The following GALNTL6 variants were observed in gnomAD, a reference collection of about 807,000 sequenced individuals.
The protein encoded by GALNTL6 is polypeptide N-acetylgalactosaminyltransferase-like 6.
GALNTL6 carries 46 observed loss-of-function variants against 73.7 expected under a neutral mutation model. The ratio of observed to expected loss-of-function variants is 0.62; its 90% CI spans 0.49 to 0.80. The LOEUF (loss-of-function observed/expected upper bound fraction) is 0.80. Among genes scored for constraint, GALNTL6 ranks in the 30% least tolerant of loss-of-function variants. The probability of loss-of-function intolerance (pLI) is 0.00; values close to 1 mark genes in which losing one functional copy is unlikely to be tolerated. For synonymous variants in GALNTL6, 259 were observed against 263.7 expected (o/e 0.98, Z 0.17); for missense variants, 604 against 755.0 (o/e 0.80, Z 2.34).
chr4:171,925,610 T>A (rs1737951523), intron 2 of GALNTL6, among the ~76,000 whole-genome samples: 1 of 152,222 alleles, frequency 6.6e-6, no homozygotes, highest in Non-Finnish European at 1.5e-5. Context: ...ATTTCATTTA[T>A]ACCATTTTAA....
At chr4:171,927,778 G>C (rs1308193987) in intron 2 of GALNTL6, among the ~76,000 whole-genome samples, 1 of 152,076 alleles carries the variant, frequency 6.6e-6, no homozygotes, top group Non-Finnish European at 1.5e-5. Flanking sequence ...TCCTTTGCTT[G>C]TGTATTCCAC....
intron 2 of GALNTL6, among the ~76,000 whole-genome samples, chr4:171,923,827 T>TG (rs1560843047): frequency 2.3e-4 from 35 of 149,326 alleles, no homozygotes; most frequent in East Asian, 7.9e-4. Context: ...TGTGTGTGTG[T>TG]TTGAAGTTCT....
rs931412704 is a variant in GALNTL6, at chr4:172,522,673, C to A, written c.553+173984C>A. Among the ~76,000 whole-genome samples, 18 of 63,342 alleles carry A rather than the reference C, an allele frequency of 2.8e-4. No individual in the cohort carries two copies. In the South Asian group the frequency reaches 5.6e-3, roughly 20 times the overall value. 41.6% of individuals were successfully genotyped at this position (63,342 alleles called of 152,430 possible). ...TAACGAGTGAAACTCAGTCCCCCCC[C>A]CCCCCAAAAAAAAAGTGTATTTTAC... On this transcript the variant is annotated intron_variant, in intron 5 of 12. Transcript: ENST00000506823.
At chr4:172,131,448 T>C (rs1251423628) in intron 2 of GALNTL6, among the ~76,000 whole-genome samples, 1 of 145,700 alleles carries the variant, frequency 6.9e-6, no homozygotes, top group Non-Finnish European at 1.5e-5. Flanking sequence ...CACACGCATA[T>C]ATATTTTATA....
intron 2 of GALNTL6, chr4:171,815,422 T>C (rs1734500067): frequency 6.6e-6 from 1 of 152,300 alleles, no homozygotes; most frequent in Admixed American, 6.5e-5. Context: ...ATGTAACTCA[T>C]TAGTATGTAT....
In GALNTL6 at chr4:172,295,094, A is replaced by G. The variant is rs534238089; in HGVS notation, c.248-16520A>G. Among the ~76,000 whole-genome samples, 7 of 152,272 alleles carry G rather than the reference A, an allele frequency of 4.6e-5. No homozygotes were observed. In the South Asian group the frequency reaches 1.4e-3, roughly 32 times the overall value. On this transcript the variant is annotated intron_variant, in intron 3 of 12. Transcript: ENST00000506823. ...TTCGTTTAATGTAAAAATGTGAGCT[A>G]TCTCCAGGTACTAGGCATATTAGCA...
chr4:172,917,526 T>C (rs1390894618), intron 8 of GALNTL6, among the ~76,000 whole-genome samples: 2 of 152,116 alleles, frequency 1.3e-5, no homozygotes, highest in African/African-American at 4.8e-5. Flanking sequence ...ATCCAGAATC[T>C]GCAAAGAACT....
chr4:172,564,072 T>G (rs1044865289), intron 5 of GALNTL6, among the ~76,000 whole-genome samples: 4 of 152,230 alleles, frequency 2.6e-5, no homozygotes, highest in Non-Finnish European at 5.9e-5. Flanking sequence ...TTAGTTTTAT[T>G]TTCTATTATT....
chr4:172,660,335 C>T (rs183520741), intron 5 of GALNTL6, among the ~76,000 whole-genome samples: 49 of 152,278 alleles, frequency 3.2e-4, no homozygotes, highest in South Asian at 6.2e-4. Context: ...ACAGAACTGA[C>T]GCCTAAGAAG....
chr4:172,470,747 G>A lies in GALNTL6; in HGVS notation c.553+122058G>A, dbSNP rs185496389. 2.1e-3 allele frequency among the ~76,000 whole-genome samples: 323 copies of A among 152,216 alleles called. 1 individual carries two copies. The highest frequency in any genetic ancestry group is 7.3e-3 in the African/African-American group (305 of 41,526). On this transcript the variant is annotated intron_variant, in intron 5 of 12. Coordinates refer to ENST00000506823, the MANE Select transcript of GALNTL6 (RefSeq NM_001034845.3). Reference sequence around the variant, plus strand: ...CCCTAAAGGACTTTTCTCCCAAAACGGAACAGTTGATTCCACAATTCATGC... The same window carrying A: ...CCCTAAAGGACTTTTCTCCCAAAACAGAACAGTTGATTCCACAATTCATGC...
At chr4:172,072,061 T>C (rs923344495) in intron 2 of GALNTL6, among the ~76,000 whole-genome samples, 14 of 152,138 alleles carry the variant, frequency 9.2e-5, no homozygotes, top group African/African-American at 3.4e-4. Flanking sequence ...CCGGGCTCTT[T>C]ATTGTAGATA....
At chr4:172,589,616 G>A (rs1238679440) in intron 5 of GALNTL6, among the ~76,000 whole-genome samples, 1 of 152,236 alleles carries the variant, frequency 6.6e-6, no homozygotes, top group African/African-American at 2.4e-5. Context: ...CACTGGAAAT[G>A]TAACTGTTTA....
chr4:171,837,658 A>G lies in GALNTL6; in HGVS notation c.138+22940A>G, dbSNP rs186116735. ...TATATAATATATTAATAATAAATTAATAATTAATATATAAATATATTATGT... is the reference window on the plus strand; with the variant it reads ...TATATAATATATTAATAATAAATTAGTAATTAATATATAAATATATTATGT... On this transcript the variant is annotated intron_variant, in intron 2 of 12. Coordinates refer to ENST00000506823, the MANE Select transcript of GALNTL6 (RefSeq NM_001034845.3). Among the ~76,000 whole-genome samples, 87 of 147,192 alleles carry G rather than the reference A, an allele frequency of 5.9e-4. No individual in the cohort carries two copies. The East Asian group carries it at 0.015, about 25-fold the overall frequency.
chr4:172,654,031 TTCTC>T (rs969792586), intron 5 of GALNTL6, among the ~76,000 whole-genome samples: 1 of 152,092 alleles, frequency 6.6e-6, no homozygotes, highest in Non-Finnish European at 1.5e-5. Context: ...TTTTCTCTCT[TTCTC>T]TCTCTCTCAA....
chr4:172,638,410 G>A (rs1739795083), intron 5 of GALNTL6, among the ~76,000 whole-genome samples: 1 of 152,078 alleles, frequency 6.6e-6, no homozygotes, highest in Admixed American at 6.6e-5. Context: ...GTGGGGTGGG[G>A]CAGGGGAGCT....
intron 2 of GALNTL6, among the ~76,000 whole-genome samples, chr4:172,131,147 ATATG>A (rs906512733): frequency 8.6e-5 from 13 of 152,036 alleles, no homozygotes; most frequent in African/African-American, 3.1e-4. Flanking sequence ...TAAAGAAAAT[ATATG>A]TAAGTACTGG....
chr4:172,306,115 G>A (rs566303680), intron 3 of GALNTL6, among the ~76,000 whole-genome samples: 39 of 152,238 alleles, frequency 2.6e-4, no homozygotes, highest in Admixed American at 4.6e-4. Context: ...TTGGCCGGGC[G>A]TGGTGGCTCA....
chr4:173,001,474 A>G (rs1370342006), intron 10 of GALNTL6, among the ~76,000 whole-genome samples: 2 of 152,338 alleles, frequency 1.3e-5, no homozygotes, highest in East Asian at 1.9e-4. Flanking sequence ...TCTCTTAAAT[A>G]TGACACTAAA....
intron 12 of GALNTL6, among the ~76,000 whole-genome samples, chr4:173,027,780 G>A (rs1753293432): frequency 6.6e-6 from 1 of 152,158 alleles, no homozygotes; most frequent in Non-Finnish European, 1.5e-5. Flanking sequence ...TAGATGTCAT[G>A]TTAGGGTATT....
Sources: allele counts gnomAD v4.1 joint callset (sites outside exome capture counted in the v4.1 genomes callset), GRCh38; gene constraint gnomAD v4.1.1; transcripts MANE v1.5; gene names NCBI Gene and HGNC (gene_info 2026-07-23, HGNC 2026-07-21).